CHODL: variants seen among roughly 807,000 people sequenced by gnomAD.
CHODL encodes transmembrane protein MT75.
CHODL carries 29 observed loss-of-function variants against 34.5 expected under a neutral mutation model. That is an observed-to-expected ratio of 0.84 (90% CI 0.63 to 1.15). The LOEUF (loss-of-function observed/expected upper bound fraction) is 1.15. Ranked by LOEUF, CHODL falls within the 50% of genes most tolerant of loss-of-function variation. CHODL has a pLI of 0.00. For synonymous variants in CHODL, 125 were observed against 116.1 expected (o/e 1.08, Z -0.49); for missense variants, 332 against 332.5 (o/e 1.00, Z 0.01).
chr21:18,214,691 A>C (rs1475094838), intron 2 of CHODL, among the ~76,000 whole-genome samples: 2 of 152,140 alleles, frequency 1.3e-5, no homozygotes, highest in Non-Finnish European at 2.9e-5. Flanking sequence ...GTACGTCTCG[A>C]ACATCTAAAA....
chr21:17,927,571 G>A (rs1263691859), intron 1 of CHODL, among the ~76,000 whole-genome samples: 1 of 152,208 alleles, frequency 6.6e-6, no homozygotes, highest in Admixed American at 6.5e-5. Flanking sequence ...ATCCTCAGAG[G>A]CCTGCATCCT....
At chr21:18,218,060 AG>A (rs2073847747) in intron 2 of CHODL, among the ~76,000 whole-genome samples, 1 of 152,152 alleles carries the variant, frequency 6.6e-6, no homozygotes, top group Non-Finnish European at 1.5e-5. Context: ...TGGCTTTTCC[AG>A]GTACACTGTG....
chr21:18,181,944 C>A (rs1297830894), intron 2 of CHODL, among the ~76,000 whole-genome samples: 2 of 152,090 alleles, frequency 1.3e-5, no homozygotes, highest in Admixed American at 6.5e-5. Context: ...GTGCATATAT[C>A]ACATTTTTTA....
At chr21:18,223,946 G>A (rs1307785231) in intron 2 of CHODL, among the ~76,000 whole-genome samples, 1 of 152,202 alleles carries the variant, frequency 6.6e-6, no homozygotes, top group Non-Finnish European at 1.5e-5. Flanking sequence ...AGAGCCCAGT[G>A]TTAGCGATAG....
At chr21:18,189,960 T>C (rs999860733) in intron 2 of CHODL, among the ~76,000 whole-genome samples, 2 of 152,104 alleles carry the variant, frequency 1.3e-5, no homozygotes. Flanking sequence ...TAAAGTGCAA[T>C]AGAAAATAAG....
At chr21:18,142,173 C>T (rs2072811336) in intron 2 of CHODL, among the ~76,000 whole-genome samples, 1 of 152,042 alleles carries the variant, frequency 6.6e-6, no homozygotes, top group African/African-American at 2.4e-5. Flanking sequence ...CAGAAAAGGT[C>T]CTTTTAGAGA....
At chr21:18,127,090 C>T (rs561284862) in intron 2 of CHODL, among the ~76,000 whole-genome samples, 1 of 152,126 alleles carries the variant, frequency 6.6e-6, no homozygotes, top group African/African-American at 2.4e-5. Context: ...AAGATATGTA[C>T]AGGATATTGA....
intron 1 of CHODL, among the ~76,000 whole-genome samples, chr21:17,944,784 C>T (rs1207250804): frequency 6.6e-6 from 1 of 152,222 alleles, no homozygotes; most frequent in African/African-American, 2.4e-5. Flanking sequence ...AGAATCACAG[C>T]TAGACTAAAC....
At chr21:18,184,781 G>A (rs2073421605) in intron 2 of CHODL, among the ~76,000 whole-genome samples, 1 of 152,148 alleles carries the variant, frequency 6.6e-6, no homozygotes, top group Non-Finnish European at 1.5e-5. Context: ...TTTTCACCAA[G>A]ATTTCTAAAG....
intron 1 of CHODL, among the ~76,000 whole-genome samples, chr21:17,998,506 C>T (rs1242514441): frequency 6.6e-6 from 1 of 152,208 alleles, no homozygotes; most frequent in Non-Finnish European, 1.5e-5. Flanking sequence ...TTCTGGACTG[C>T]CCTAGCAGAT....
intron 1 of CHODL, among the ~76,000 whole-genome samples, chr21:17,933,414 T>C (rs1043753447): frequency 6.6e-6 from 1 of 152,198 alleles, no homozygotes; most frequent in Non-Finnish European, 1.5e-5. Flanking sequence ...AGTCCCTGGG[T>C]ACTTGAGATT....
intron 1 of CHODL, among the ~76,000 whole-genome samples, chr21:18,002,244 A>G (rs2063913589): frequency 6.6e-6 from 1 of 152,204 alleles, no homozygotes. Context: ...TTAAAACTTA[A>G]TACTGACCCT....
At chr21:18,073,717 A>C (rs895418602) in intron 2 of CHODL, among the ~76,000 whole-genome samples, 4 of 152,012 alleles carry the variant, frequency 2.6e-5, no homozygotes, top group African/African-American at 9.7e-5. Flanking sequence ...AAGAATAAAA[A>C]GATTAGCTTT....
intron 2 of CHODL, among the ~76,000 whole-genome samples, chr21:18,202,581 G>A (rs893174032): frequency 1.3e-5 from 2 of 152,098 alleles, no homozygotes; most frequent in Non-Finnish European, 2.9e-5. Context: ...CTGCCCTTTT[G>A]TCGTGGGCTC....
chr21:18,074,541 T>C (rs1568872333), intron 2 of CHODL, among the ~76,000 whole-genome samples: 1 of 152,158 alleles, frequency 6.6e-6, no homozygotes, highest in Non-Finnish European at 1.5e-5. Flanking sequence ...ATGCATTGTA[T>C]TTTCCCCTGT....
At chr21:17,962,602 A>C (rs2146353095) in intron 1 of CHODL, among the ~76,000 whole-genome samples, 1 of 152,308 alleles carries the variant, frequency 6.6e-6, no homozygotes, top group South Asian at 2.1e-4. Flanking sequence ...GAGTTATTTT[A>C]TTACCAGATG....
At chr21:18,184,166 G>C (rs2073414009) in intron 2 of CHODL, among the ~76,000 whole-genome samples, 1 of 152,158 alleles carries the variant, frequency 6.6e-6, no homozygotes, top group Admixed American at 6.5e-5. Context: ...AAGAAAATCA[G>C]TAATTTGATG....
Position 18,239,693 on chromosome 21 carries a change from A to G in CHODL, c.-44-16816A>G, listed in dbSNP as rs961775292. Among the ~76,000 whole-genome samples, 8 of 151,962 alleles carry G rather than the reference A, an allele frequency of 5.3e-5. No homozygotes were observed. In the South Asian group the frequency reaches 8.3e-4, roughly 16 times the overall value. ...AAATATCTTGCTTTATCAAAAATTC[A>G]TTTACAGTTTTATGGCCTCTTAGTT... On this transcript the variant is annotated intron_variant, in intron 2 of 6. Coordinates refer to the CHODL transcript ENST00000400127.
At chr21:18,049,648 G>A (rs2064488494) in intron 2 of CHODL, among the ~76,000 whole-genome samples, 1 of 151,932 alleles carries the variant, frequency 6.6e-6, no homozygotes, top group Non-Finnish European at 1.5e-5. Context: ...CTGGCAGATG[G>A]CTGCCTCCTT....
Sources: allele counts gnomAD v4.1 joint callset (sites outside exome capture counted in the v4.1 genomes callset), GRCh38; gene constraint gnomAD v4.1.1; transcripts MANE v1.5; gene names NCBI Gene and HGNC (gene_info 2026-07-23, HGNC 2026-07-21).